ZNF536: variants seen among roughly 807,000 people sequenced by gnomAD.
The protein encoded by ZNF536 is zinc finger protein 536.
In ZNF536, 13 loss-of-function variants were observed where a neutral mutation model predicts 84.5. The observed-to-expected ratio is 0.15, with a 90% CI of 0.10 to 0.24. The LOEUF is 0.24. ZNF536 is among the 10% of genes least tolerant of loss of function. The pLI is 1.00. For missense variants in ZNF536, 1,536 were observed against 1,747.5 expected, an observed-to-expected ratio of 0.88 and a Z score of 2.16; for synonymous variants, 811 against 742.5, an observed-to-expected ratio of 1.09 and a Z score of -1.50.
chr19:30,465,313 G>T (rs560349830), intron 2 of ZNF536, among the ~76,000 whole-genome samples: 2 of 152,238 alleles, frequency 1.3e-5, no homozygotes, highest in Non-Finnish European at 2.9e-5. Context: ...CCTCTGGGAG[G>T]CCTTTCCAGG....
chr19:30,634,494 A>G (rs1375289772), intron 1 of ZNF536, among the ~76,000 whole-genome samples: 2 of 152,104 alleles, frequency 1.3e-5, no homozygotes, highest in Admixed American at 1.3e-4. Context: ...TTTCCTAGAA[A>G]AAAGGAGGGA....
chr19:30,679,047 G>A (rs1269735439), intron 1 of ZNF536, among the ~76,000 whole-genome samples: 3 of 152,210 alleles, frequency 2.0e-5, no homozygotes, highest in East Asian at 3.9e-4. Context: ...CGAGCCAGCC[G>A]AGACATGAGT....
chr19:30,526,651 G>A lies in ZNF536; in HGVS notation c.2171-8196G>A, dbSNP rs539193556. Among the ~76,000 whole-genome samples the A allele has an allele frequency of 1.1e-3, 154 of 143,978 alleles. 8 individuals are homozygous for A. Among genetic ancestry groups the A allele is most frequent in the Non-Finnish European group, 2.0e-3 (126 of 63,936 alleles). The allele number at this position is 143,978 out of a possible 152,430, so 94.5% of individuals were successfully genotyped here. On this transcript the variant is annotated intron_variant, in intron 2 of 4. Transcript: ENST00000355537. ...AGGCAGGAGAATGGCGTGAACCCGGGAGGCGGAGCTTGCAGTGAGCCGAGA... is the reference window on the plus strand; with the variant it reads ...AGGCAGGAGAATGGCGTGAACCCGGAAGGCGGAGCTTGCAGTGAGCCGAGA...
chr19:30,376,109 G>T (rs549977055), intron 1 of ZNF536, among the ~76,000 whole-genome samples: 1 of 152,052 alleles, frequency 6.6e-6, no homozygotes, highest in South Asian at 2.1e-4. Context: ...CTGCTGTAGC[G>T]CCCTCTCCCT....
chr19:30,578,611 A>G lies in ZNF536; in HGVS notation c.169+29097A>G, dbSNP rs576984547. Among the ~76,000 whole-genome samples the G allele has an allele frequency of 2.0e-5, 3 of 152,336 alleles. No individual in the cohort carries two copies. In the South Asian group the frequency reaches 6.2e-4, roughly 32 times the overall value. ...TCCCATATTGGGCACTGCTCATGCAATGGAATTGTTTAGGTCTAGTTTTTT... is the reference window on the plus strand; with the variant it reads ...TCCCATATTGGGCACTGCTCATGCAGTGGAATTGTTTAGGTCTAGTTTTTT... On this transcript the variant is annotated intron_variant, in intron 1 of 1. Coordinates refer to the ZNF536 transcript ENST00000592773.
chr19:30,528,335 TAAG>T (rs1173420006), intron 2 of ZNF536, among the ~76,000 whole-genome samples: 3 of 152,204 alleles, frequency 2.0e-5, no homozygotes, highest in South Asian at 2.1e-4. Context: ...ACATGCAATA[TAAG>T]AAGAAGTCAT....
intron 2 of ZNF536, among the ~76,000 whole-genome samples, chr19:30,328,841 A>T (rs2047119238): frequency 6.6e-6 from 1 of 152,192 alleles, no homozygotes; most frequent in Non-Finnish European, 1.5e-5. Flanking sequence ...TGGCTTTTAG[A>T]CATTAGAGAC....
chr19:30,279,911 C>A (rs1042510960), intron 1 of ZNF536, among the ~76,000 whole-genome samples: 2 of 152,184 alleles, frequency 1.3e-5, no homozygotes, highest in South Asian at 4.1e-4. Context: ...AAAGTAGTTT[C>A]CCTGGCTCCC....
intron 1 of ZNF536, among the ~76,000 whole-genome samples, chr19:30,655,578 G>C (rs976571223): frequency 1.3e-5 from 2 of 152,216 alleles, no homozygotes; most frequent in Non-Finnish European, 2.9e-5. Flanking sequence ...TGCTACCCAA[G>C]ACATGGGTGG....
chr19:30,389,196 A>T (rs876524), intron 1 of ZNF536, among the ~76,000 whole-genome samples: 55,643 of 152,110 alleles, frequency 0.37, 10,532 homozygotes, highest in Middle Eastern at 0.54. Flanking sequence ...CTGGTTCTCC[A>T]ATTTCCAAGT....
upstream of ZNF536, among the ~76,000 whole-genome samples, chr19:30,368,269 A>G (rs1437816374): frequency 6.6e-6 from 1 of 152,194 alleles, no homozygotes; most frequent in Non-Finnish European, 1.5e-5. Flanking sequence ...TCCATCCTCC[A>G]GCTTCTCCTT....
chr19:30,712,393 G>A (rs549697451), exon 2 of ZNF536: 2 of 149,468 alleles, frequency 1.3e-5, no homozygotes, highest in South Asian at 4.2e-4. Flanking sequence ...AAGTATGAAA[G>A]TATTAACTTC....
At chr19:30,407,355 C>G (rs2050302561) in intron 1 of ZNF536, among the ~76,000 whole-genome samples, 1 of 152,238 alleles carries the variant, frequency 6.6e-6, no homozygotes, top group Non-Finnish European at 1.5e-5. Flanking sequence ...TCTCACACTA[C>G]AACTATAGTC....
At chr19:30,278,548 G>A (rs2045324053) in intron 1 of ZNF536, among the ~76,000 whole-genome samples, 1 of 152,146 alleles carries the variant, frequency 6.6e-6, no homozygotes, top group South Asian at 2.1e-4. Context: ...AGATGTCAGG[G>A]CATCAGAACC....
At chr19:30,495,704 G>A (rs570802650) in intron 2 of ZNF536, among the ~76,000 whole-genome samples, 1 of 152,300 alleles carries the variant, frequency 6.6e-6, no homozygotes, top group South Asian at 2.1e-4. Flanking sequence ...TTCTTTATGG[G>A]GGTATCTGAA....
intron 2 of ZNF536, among the ~76,000 whole-genome samples, chr19:30,311,094 G>A (rs1236141169): frequency 6.6e-6 from 1 of 152,134 alleles, no homozygotes; most frequent in East Asian, 1.9e-4. Flanking sequence ...CTTGTACAGG[G>A]CATGGAGAGT....
chr19:30,686,361 T>C (rs1365216213), intron 1 of ZNF536, among the ~76,000 whole-genome samples: 1 of 152,058 alleles, frequency 6.6e-6, no homozygotes, highest in Non-Finnish European at 1.5e-5. Flanking sequence ...TTAGAAGAGT[T>C]AGGAATTTTA....
At chr19:30,653,964 T>A (rs1161212480) in intron 1 of ZNF536, among the ~76,000 whole-genome samples, 1 of 152,216 alleles carries the variant, frequency 6.6e-6, no homozygotes, top group Non-Finnish European at 1.5e-5. Context: ...AGGACTCACC[T>A]GCGTGCTTTA....
chr19:30,359,331 C>T (rs2048197126), intron 3 of ZNF536, among the ~76,000 whole-genome samples: 1 of 152,160 alleles, frequency 6.6e-6, no homozygotes, highest in Non-Finnish European at 1.5e-5. Flanking sequence ...CTGAGCTGCC[C>T]CCGGGACAGC....
Sources: gnomAD v4.1 joint callset for allele counts (sites outside exome capture counted in the v4.1 genomes callset) on GRCh38, gnomAD v4.1.1 for gene constraint, MANE v1.5 for transcripts, NCBI Gene and HGNC (gene_info 2026-07-23, HGNC 2026-07-21) for gene names.